The following ZFAND3 variants were observed in gnomAD, a reference collection of about 807,000 sequenced individuals.
ZFAND3 encodes the protein AN1-type zinc finger protein 3.
A neutral mutation model predicts 29.6 loss-of-function variants in ZFAND3; 10 were observed. The ratio of observed to expected loss-of-function variants is 0.34; its 90% CI spans 0.21 to 0.57. ZFAND3 has a LOEUF of 0.57. ZFAND3 is among the 20% of genes least tolerant of loss of function. ZFAND3 has a pLI of 0.86. For synonymous variants in ZFAND3, 128 were observed against 112.6 expected, an observed-to-expected ratio of 1.14 and a Z score of -0.87; for missense variants, 230 against 304.5, an observed-to-expected ratio of 0.76 and a Z score of 1.82.
intron 1 of ZFAND3, among the ~76,000 whole-genome samples, chr6:37,929,140 T>G (rs1443789999): frequency 6.6e-6 from 1 of 152,194 alleles, no homozygotes; most frequent in Non-Finnish European, 1.5e-5. Context: ...ATTGCCCTGG[T>G]CTCACTGCAA....
At chr6:38,042,916 C>T (rs1763819428) in intron 2 of ZFAND3, among the ~76,000 whole-genome samples, 2 of 152,154 alleles carry the variant, frequency 1.3e-5, no homozygotes, top group Non-Finnish European at 2.9e-5. Context: ...ATGTTTCTCA[C>T]TTGAGCTCCT....
At chr6:38,088,102 A>G (rs1764793086) in intron 4 of ZFAND3, among the ~76,000 whole-genome samples, 1 of 152,210 alleles carries the variant, frequency 6.6e-6, no homozygotes, top group Admixed American at 6.5e-5. Context: ...AACAATATTC[A>G]TTGGAAGCAA....
chr6:38,042,467 C>T (rs550259121), intron 2 of ZFAND3, among the ~76,000 whole-genome samples: 37 of 152,126 alleles, frequency 2.4e-4, no homozygotes, highest in African/African-American at 8.4e-4. Context: ...GCGCCCACCA[C>T]CATGCCTAGC....
At position 38,144,208 on chromosome 6, in the gene ZFAND3, TA is replaced by T. The variant is rs1562016036; in HGVS notation, c.530-8026del. Reference sequence around the variant, plus strand: ...TAATATATATATATATATATATATATATAATATATAATATATATATATATTT... The same window carrying T: ...TAATATATATATATATATATATATATTAATATATAATATATATATATATTT... On this transcript the variant is annotated intron_variant, in intron 5 of 5. Coordinates refer to ENST00000287218, the MANE Select transcript of ZFAND3 (RefSeq NM_021943.3). Among the ~76,000 whole-genome samples the T allele has an allele frequency of 7.1e-4, 31 of 43,476 alleles. 2 individuals carry two copies. The highest frequency in any genetic ancestry group is 3.7e-3 in the African/African-American group (27 of 7,370). The allele number at this position is 43,476 out of a possible 152,430, so 28.5% of individuals were successfully genotyped here. A position where few individuals can be genotyped will look rare whatever the true frequency, so the allele number is the denominator to read the frequency against.
intron 2 of ZFAND3, among the ~76,000 whole-genome samples, chr6:38,035,728 A>C (rs1763644726): frequency 1.3e-5 from 2 of 152,208 alleles, no homozygotes. Flanking sequence ...GGAAAGGTGC[A>C]GATTCTATCT....
At chr6:37,847,350 C>T (rs1466793846) in intron 1 of ZFAND3, among the ~76,000 whole-genome samples, 2 of 151,850 alleles carry the variant, frequency 1.3e-5, no homozygotes, top group Admixed American at 6.6e-5. Flanking sequence ...CTGAGGGGGG[C>T]GGATCACGAG....
At chr6:37,901,583 G>T (rs765179434) in intron 1 of ZFAND3, among the ~76,000 whole-genome samples, 1 of 152,068 alleles carries the variant, frequency 6.6e-6, no homozygotes, top group African/African-American at 2.4e-5. Flanking sequence ...GTGCCACTGT[G>T]CTCCAGCCTG....
At chr6:37,991,423 G>A (rs1044733450) in intron 2 of ZFAND3, among the ~76,000 whole-genome samples, 4 of 151,452 alleles carry the variant, frequency 2.6e-5, no homozygotes, top group Non-Finnish European at 4.4e-5. Context: ...TGCAATCTTG[G>A]CTCACTGCAA....
chr6:38,035,082 T>C (rs1488128254), intron 2 of ZFAND3, among the ~76,000 whole-genome samples: 2 of 152,012 alleles, frequency 1.3e-5, no homozygotes, highest in South Asian at 2.1e-4. Flanking sequence ...TTCATAAATA[T>C]AGGCCTGCTT....
At chr6:38,014,554 T>TG (rs1381000996) in intron 2 of ZFAND3, among the ~76,000 whole-genome samples, 1 of 152,022 alleles carries the variant, frequency 6.6e-6, no homozygotes, top group Non-Finnish European at 1.5e-5. Flanking sequence ...CTTGAACTCC[T>TG]GACCTCAGGT....
intron 5 of ZFAND3, among the ~76,000 whole-genome samples, chr6:38,128,736 C>A (rs1326778784): frequency 6.6e-6 from 1 of 152,148 alleles, no homozygotes; most frequent in African/African-American, 2.4e-5. Context: ...TCTTTATGCA[C>A]TCATTGATTG....
chr6:38,012,566 A>T (rs1203361089), intron 2 of ZFAND3, among the ~76,000 whole-genome samples: 1 of 151,894 alleles, frequency 6.6e-6, no homozygotes, highest in East Asian at 1.9e-4. Context: ...TTTAGTAGAG[A>T]CTGGGCTTCA....
At chr6:37,903,850 T>G (rs1044719261) in intron 1 of ZFAND3, among the ~76,000 whole-genome samples, 1 of 152,182 alleles carries the variant, frequency 6.6e-6, no homozygotes, top group Non-Finnish European at 1.5e-5. Flanking sequence ...ATAGTCCCTT[T>G]ATGAGGTGAG....
chr6:37,959,849 C>A (rs34450348), intron 2 of ZFAND3, among the ~76,000 whole-genome samples: 25,472 of 152,162 alleles, frequency 0.17, 2,333 homozygotes, highest in East Asian at 0.33. Context: ...GAACACTTAT[C>A]ACCTAACCTG....
At chr6:38,008,402 G>T (rs1763086783) in intron 2 of ZFAND3, among the ~76,000 whole-genome samples, 1 of 152,118 alleles carries the variant, frequency 6.6e-6, no homozygotes, top group African/African-American at 2.4e-5. Context: ...ACAAATAGAG[G>T]AACATTTTTT....
chr6:37,890,648 G>T (rs9647620), intron 1 of ZFAND3, among the ~76,000 whole-genome samples: 96,480 of 152,016 alleles, frequency 0.63, 31,376 homozygotes, highest in African/African-American at 0.76. Context: ...TCAAAGTGTC[G>T]GAAGTATGGC....
At chr6:38,132,347 C>CA (rs1765758635) in intron 5 of ZFAND3, among the ~76,000 whole-genome samples, 1 of 151,998 alleles carries the variant, frequency 6.6e-6, no homozygotes, top group Non-Finnish European at 1.5e-5. Flanking sequence ...CCCGTCTCTA[C>CA]AAAAAAATAA....
intron 1 of ZFAND3, among the ~76,000 whole-genome samples, chr6:37,893,547 T>TTTTG (rs137942502): frequency 1.3e-5 from 2 of 151,586 alleles, no homozygotes; most frequent in African/African-American, 4.8e-5. Flanking sequence ...GATCTTCTGT[T>TTTTG]TTTGTTTGTT....
At chr6:38,134,297 G>A (rs1196837959) in intron 5 of ZFAND3, among the ~76,000 whole-genome samples, 1 of 152,138 alleles carries the variant, frequency 6.6e-6, no homozygotes, top group Non-Finnish European at 1.5e-5. Flanking sequence ...CCTCCTCCAA[G>A]ATCCCTTATT....
Sources: allele counts gnomAD v4.1 joint callset (sites outside exome capture counted in the v4.1 genomes callset), GRCh38; gene constraint gnomAD v4.1.1; transcripts MANE v1.5; gene names NCBI Gene and HGNC (gene_info 2026-07-23, HGNC 2026-07-21).